Variants in ZNF664 observed in about 807,000 individuals in gnomAD.
The protein encoded by ZNF664 is zinc finger Organ of Corti 1.
In ZNF664, 10 loss-of-function variants were observed where a neutral mutation model predicts 18.2. That is an observed-to-expected ratio of 0.55 (90% confidence interval 0.34 to 0.93). The LOEUF (loss-of-function observed/expected upper bound fraction) is 0.93. Among genes scored for constraint, ZNF664 ranks in the 40% least tolerant of loss-of-function variants. The pLI is 0.02. For missense variants in ZNF664, 193 were observed against 319.0 expected (o/e 0.61, Z 3.01); for synonymous variants, 119 against 104.2 (o/e 1.14, Z -0.86).
intron 3 of ZNF664, among the ~76,000 whole-genome samples, chr12:123,998,919 G>C (rs914498100): frequency 1.3e-5 from 2 of 152,122 alleles, no homozygotes; most frequent in African/African-American, 4.8e-5. Flanking sequence ...TGTCAGGGTG[G>C]GCTGGCTTCT....
chr12:123,978,083 G>T (rs143786203), intron 2 of ZNF664, among the ~76,000 whole-genome samples: 1 of 152,104 alleles, frequency 6.6e-6, no homozygotes, highest in East Asian at 1.9e-4. Flanking sequence ...GTAAGTAGCT[G>T]CTGCTATTAG....
chr12:124,010,335 A>G (rs1235021447), intron 3 of ZNF664, among the ~76,000 whole-genome samples: 1 of 152,218 alleles, frequency 6.6e-6, no homozygotes, highest in Non-Finnish European at 1.5e-5. Context: ...AAGAAGACCT[A>G]TTGATTTCAT....
chr12:124,008,478 A>G (rs1242957502), intron 3 of ZNF664, among the ~76,000 whole-genome samples: 2 of 152,032 alleles, frequency 1.3e-5, no homozygotes, highest in South Asian at 2.1e-4. Context: ...TTTTTCACCC[A>G]TTGCTTTTCA....
intron 3 of ZNF664, among the ~76,000 whole-genome samples, chr12:124,011,017 T>C (rs1449684051): frequency 6.6e-6 from 1 of 152,168 alleles, no homozygotes; most frequent in Admixed American, 6.5e-5. Context: ...GAGTTAAGGA[T>C]TGGGATTTTA....
chr12:124,013,998 T>G lies in ZNF664; in HGVS notation c.*1068T>G, dbSNP rs1957163485. On this transcript the variant is annotated 3_prime_UTR_variant, in exon 5 of 5. Transcript: ENST00000337815. ...AAATATGTATTGAACACCTCCTATA[T>G]GCCAGGCACTGTGCTAGGTGCTGGG... The G allele has an allele frequency of 6.0e-6, 1 of 167,116 alleles. No homozygotes were observed. Among genetic ancestry groups the G allele is most frequent in the South Asian group, 2.1e-4 (1 of 4,832 alleles). The allele number at this position is 167,116 out of a possible 1,614,324, so 10.4% of individuals were successfully genotyped here. A position where few individuals can be genotyped will look rare whatever the true frequency, so the allele number is the denominator to read the frequency against.
chr12:124,013,590 CTTTT>C lies in ZNF664; in HGVS notation c.*663_*666del, dbSNP rs1957158469. 1 of 167,514 alleles carries C rather than the reference CTTTT, an allele frequency of 6.0e-6. No homozygotes were observed. Among genetic ancestry groups the C allele is most frequent in the Non-Finnish European group, 1.5e-5 (1 of 68,504 alleles). The allele number at this position is 167,514 out of a possible 1,614,324, so 10.4% of individuals were successfully genotyped here. A position where few individuals can be genotyped will look rare whatever the true frequency, so the allele number is the denominator to read the frequency against. ...TTGGCAGACATATATGTCCTTGAAC[CTTTT>C]TTATTTGTGTGGATTCTGCTCATCA... On this transcript the variant is annotated 3_prime_UTR_variant, in exon 5 of 5. Coordinates refer to ENST00000337815, the MANE Select transcript of ZNF664 (RefSeq NM_152437.3).
chr12:124,004,339 A>G (rs2138432737), intron 3 of ZNF664, among the ~76,000 whole-genome samples: 1 of 152,308 alleles, frequency 6.6e-6, no homozygotes, highest in Admixed American at 6.5e-5. Context: ...AGAGGACTGG[A>G]GGTCCTGAGG....
intron 2 of ZNF664, among the ~76,000 whole-genome samples, chr12:123,982,789 G>A (rs1956781420): frequency 6.6e-6 from 1 of 152,154 alleles, no homozygotes; most frequent in East Asian, 1.9e-4. Flanking sequence ...AGTTTCAAAC[G>A]GCCTAGAGAT....
At chr12:123,992,219 G>T (rs1203116801) in intron 3 of ZNF664, among the ~76,000 whole-genome samples, 2 of 152,176 alleles carry the variant, frequency 1.3e-5, no homozygotes, top group African/African-American at 4.8e-5. Flanking sequence ...GACCAAGTAG[G>T]AAAGTGGTCT....
chr12:124,000,407 C>G (rs975725033), intron 3 of ZNF664, among the ~76,000 whole-genome samples: 2 of 152,214 alleles, frequency 1.3e-5, no homozygotes, highest in Non-Finnish European at 2.9e-5. Flanking sequence ...CTCCAGAGCT[C>G]ATTCCTCTCG....
At position 124,015,336 on chromosome 12, in the gene ZNF664, G is replaced by A. The variant is rs776480126; in HGVS notation, c.*2406G>A. On this transcript the variant is annotated 3_prime_UTR_variant, in exon 5 of 5. Transcript: ENST00000337815. ...CTTTTGAAGCTACTAATTTTATGTC[G>A]AGCTTTAAAGTCCATAATTGTTATC... 10 of 166,890 alleles carry A rather than the reference G, an allele frequency of 6.0e-5. No individual in the cohort carries two copies. The highest frequency in any genetic ancestry group is 1.9e-4 in the East Asian group (1 of 5,200). 10.3% of individuals were successfully genotyped at this position (166,890 alleles called of 1,614,324 possible).
At chr12:124,000,114 C>T (rs1414539198) in intron 3 of ZNF664, among the ~76,000 whole-genome samples, 1 of 152,210 alleles carries the variant, frequency 6.6e-6, no homozygotes, top group Non-Finnish European at 1.5e-5. Flanking sequence ...TCTGCCTTCC[C>T]CATGCAGCCC....
intron 1 of ZNF664, chr12:123,973,659 C>T: frequency 1.5e-6 from 1 of 652,982 alleles, no homozygotes; most frequent in Non-Finnish European, 2.0e-6. Context: ...GGGCAGCGGG[C>T]AGGGCGAGGC....
chr12:123,974,868 T>G (rs991509321), intron 2 of ZNF664, among the ~76,000 whole-genome samples: 5 of 152,266 alleles, frequency 3.3e-5, no homozygotes, highest in African/African-American at 1.2e-4. Context: ...GTTTAAGTTT[T>G]AACTTTAAAA....
rs1956624120 is a variant in ZNF664, at chr12:123,973,482, C to G, written c.-892+130C>G. 1.6e-5 allele frequency: 9 copies of G among 547,656 alleles called. No individual in the cohort carries two copies. In the South Asian group the frequency reaches 4.7e-4, roughly 29 times the overall value. The allele number at this position is 547,656 out of a possible 1,614,324, so 33.9% of individuals were successfully genotyped here. The stretch of plus-strand genomic sequence containing the variant: ...TAAAGAAAAGAAAAACAACCCATCC[C>G]GGAGGATGGGCCTCGGGATGGCGGG... On this transcript the variant is annotated intron_variant, in intron 1 of 4. Transcript: ENST00000337815.
At chr12:124,004,662 G>C (rs1048965269) in intron 3 of ZNF664, among the ~76,000 whole-genome samples, 2 of 152,200 alleles carry the variant, frequency 1.3e-5, no homozygotes, top group African/African-American at 4.8e-5. Context: ...GAGGTGAGTG[G>C]TGGGAAGAAA....
rs976624350 is a variant in ZNF664 at position 124,012,174 on chromosome 12, A to G, written c.30A>G (p.Glu10=). 49 of 1,612,142 alleles carry G rather than the reference A, an allele frequency of 3.0e-5. No homozygotes were observed. Among genetic ancestry groups the G allele is most frequent in the African/African-American group, 2.1e-4 (16 of 74,728 alleles). MIYKCPMCR[E]FFSERADLFM... ...TCTACAAGTGCCCCATGTGTAGGGA[A>G]TTTTTCTCTGAGAGAGCAGATCTTT... The change falls in exon 5 of 5, where the codon GAA becomes GAG. Residue 10 remains glutamate, a synonymous_variant. Transcript: ENST00000337815.
chr12:124,001,953 A>G (rs1170680629), intron 3 of ZNF664, among the ~76,000 whole-genome samples: 1 of 152,252 alleles, frequency 6.6e-6, no homozygotes, highest in East Asian at 1.9e-4. Flanking sequence ...CTTGCATTCA[A>G]GAGAGCAGGG....
rs1566192610 is a variant in ZNF664, at chr12:123,976,259, GAGAGA to G, written c.-757+2242_-757+2246del. 3.9e-5 allele frequency among the ~76,000 whole-genome samples: 6 copies of G among 152,292 alleles called. No homozygotes were observed. The East Asian group carries it at 1.2e-3, about 29-fold the overall frequency. On this transcript the variant is annotated intron_variant, in intron 2 of 4. Transcript: ENST00000337815. Reference sequence around the variant, plus strand: ...AAAGGGGAGACCAAATTTTAGAGTGGAGAGAAGGGGCCTAGGAAAGACTTTTCTGT... The same window carrying G: ...AAAGGGGAGACCAAATTTTAGAGTGGAGGGGCCTAGGAAAGACTTTTCTGT...
Sources: allele counts gnomAD v4.1 joint callset (sites outside exome capture counted in the v4.1 genomes callset), GRCh38; gene constraint gnomAD v4.1.1; transcripts MANE v1.5; gene names NCBI Gene and HGNC (gene_info 2026-07-23, HGNC 2026-07-21).